The following ABCA1 variants were observed in gnomAD, a reference collection of about 807,000 sequenced individuals.
ABCA1 encodes phospholipid-transporting ATPase ABCA1.
ABCA1 carries 133 observed loss-of-function variants against 262.5 expected under a neutral mutation model. That is an observed-to-expected ratio of 0.51 (90% CI 0.44 to 0.59). ABCA1 has a LOEUF of 0.59. Among genes scored for constraint, ABCA1 ranks in the 20% least tolerant of loss-of-function variants. The pLI, the probability that ABCA1 is intolerant of heterozygous loss-of-function variation, is 0.00. For missense variants in ABCA1, 2,452 were observed against 2,777.5 expected, an observed-to-expected ratio of 0.88 and a Z score of 2.63; for synonymous variants, 1,022 against 1,043.5, an observed-to-expected ratio of 0.98 and a Z score of 0.40.
chr9:104,798,841 C>A (rs1830107798), intron 36 of ABCA1, among the ~76,000 whole-genome samples: 1 of 152,140 alleles, frequency 6.6e-6, no homozygotes, highest in African/African-American at 2.4e-5. Context: ...AAAGAGTCCA[C>A]TGTCACAATA....
intron 31 of ABCA1, among the ~76,000 whole-genome samples, 196 bp downstream of exon 31, chr9:104,806,045 C>T (rs908762261): frequency 1.3e-5 from 2 of 152,026 alleles, no homozygotes; most frequent in African/African-American, 4.8e-5. Context: ...GTGGAGGTTG[C>T]AGTGAGGCAA....
At position 104,883,056 on chromosome 9, in the gene ABCA1, A is replaced by C; in HGVS notation, c.404T>G (p.Ile135Ser). The C allele has an allele frequency of 6.2e-7, 1 of 1,613,768 alleles. No homozygotes were observed. Among genetic ancestry groups the C allele is most frequent in the South Asian group, 1.1e-5 (1 of 91,078 alleles). ...MRKVLRTLQQ[I>S]KKSSSNLKLQ... Reference sequence around the variant, plus strand: ...TTACTTACTTGAGCTGGATTTCTTGATCTGCTGTAATGTTCTCAGAACTTT... The same window carrying C: ...TTACTTACTTGAGCTGGATTTCTTGCTCTGCTGTAATGTTCTCAGAACTTT... Residue 135 changes from isoleucine (I) to serine (S), a missense_variant, in exon 5 of 50, where the codon ATC becomes AGC. Physicochemically the swap from Ile to Ser is moderately radical, Grantham distance 142 (BLOSUM62 -2). Around this residue, in one of 4 missense-constraint regions of ABCA1, gnomAD observed 1,032 missense variants for 1,089.7 expected, o/e 0.95. Transcript: ENST00000374736.
intron 12 of ABCA1, 30 bp from the exon 13 acceptor site, chr9:104,831,857 T>G: frequency 6.2e-7 from 1 of 1,610,084 alleles, no homozygotes; most frequent in Non-Finnish European, 8.5e-7. Context: ...CATGAGAACG[T>G]TGGCAGCCAG....
rs751985218 is a variant in ABCA1 at position 104,831,818 on chromosome 9, G to A, written c.1519C>T (p.Leu507=). The A allele has an allele frequency of 6.2e-7, 1 of 1,614,200 alleles. No individual in the cohort carries two copies. The highest frequency in any genetic ancestry group is 1.7e-5 in the Admixed American group (1 of 60,020). Residue 507 remains leucine, a synonymous_variant, in exon 13 of 50, where the codon CTG becomes TTG. Coordinates refer to ENST00000374736, the MANE Select transcript of ABCA1 (RefSeq NM_005502.4). ...TISRFMECVN[L]NKLEPIATEV... is the part of the protein sequence containing the mutation. ...GTTGCTATGGGTTCTAGCTTGTTCA[G>A]GTTGACACACTGATAGAAGAACAGC...
At chr9:104,881,592 T>G (rs1386693844) in intron 5 of ABCA1, among the ~76,000 whole-genome samples, 2 of 152,182 alleles carry the variant, frequency 1.3e-5, no homozygotes, top group African/African-American at 4.8e-5. Flanking sequence ...GGGTGCTAAC[T>G]AACCTATTCA....
At chr9:104,888,613 T>A (rs535083201) in intron 3 of ABCA1, among the ~76,000 whole-genome samples, 1 of 152,340 alleles carries the variant, frequency 6.6e-6, no homozygotes, top group South Asian at 2.1e-4. Flanking sequence ...AAGGCTGTTA[T>A]CAAAATACAT....
At chr9:104,825,347 T>C (rs1832726703) in intron 17 of ABCA1, among the ~76,000 whole-genome samples, 1 of 152,222 alleles carries the variant, frequency 6.6e-6, no homozygotes, top group Admixed American at 6.5e-5. Context: ...TGACCAAAGC[T>C]GGTTACTTAA....
At chr9:104,788,621 T>C (rs2118845499) in intron 44 of ABCA1, 54 bp from the exon 45 acceptor site, 1 of 1,600,032 alleles carries the variant, frequency 6.2e-7, no homozygotes, top group Non-Finnish European at 8.6e-7. Flanking sequence ...ATACTCTGGT[T>C]AGACAATCTG....
chr9:104,920,942 G>A (rs112092254), intron 1 of ABCA1, among the ~76,000 whole-genome samples: 3 of 152,186 alleles, frequency 2.0e-5, no homozygotes, highest in Admixed American at 1.3e-4. Context: ...CTGAGGCAAA[G>A]AGTGATCAGC....
intron 9 of ABCA1, among the ~76,000 whole-genome samples, chr9:104,839,797 C>T (rs1240164322): frequency 2.0e-5 from 3 of 152,138 alleles, no homozygotes; most frequent in Admixed American, 6.5e-5. Flanking sequence ...GTGAACACTT[C>T]GGATCTACTC....
At chr9:104,920,717 G>A (rs747315840) in intron 1 of ABCA1, among the ~76,000 whole-genome samples, 1 of 152,108 alleles carries the variant, frequency 6.6e-6, no homozygotes, top group Non-Finnish European at 1.5e-5. Flanking sequence ...TCACCATGCT[G>A]GTCAGGCTGG....
At chr9:104,857,908 C>T (rs1373710112) in intron 7 of ABCA1, among the ~76,000 whole-genome samples, 1 of 152,164 alleles carries the variant, frequency 6.6e-6, no homozygotes, top group Non-Finnish European at 1.5e-5. Context: ...CTATATAAAA[C>T]ACTCTGATGA....
In ABCA1 at chr9:104,809,523, T is replaced by C; in HGVS notation, c.4217A>G (p.Asn1406Ser). 1 of 1,614,172 alleles carries C rather than the reference T, an allele frequency of 6.2e-7. No individual in the cohort carries two copies. Among genetic ancestry groups the C allele is most frequent in the Non-Finnish European group, 8.5e-7 (1 of 1,180,036 alleles). ...GAAGCCAGGGTCTTTGGTGAGGGCG[T>C]TTAAGAGTTCCAGGGTTCCCGTGTC... ...PEDTGTLELLNALTKDPGFGT... is the reference protein window; with the variant it reads ...PEDTGTLELLSALTKDPGFGT... The change falls in exon 30 of 50, where the codon AAC becomes AGC. Residue 1406 changes from asparagine to serine, a missense_variant. Physicochemically the swap from Asn to Ser is conservative, Grantham distance 46. This residue lies in a region of ABCA1 where 665 missense variants were observed against 727.3 expected (regional missense o/e 0.91). Coordinates refer to ENST00000374736, the MANE Select transcript of ABCA1 (RefSeq NM_005502.4).
At position 104,822,576 on chromosome 9, in the gene ABCA1, G is replaced by A. The variant is rs374198344; in HGVS notation, c.2748C>T (p.Val916=). Residue 916 remains valine (V), a synonymous_variant, in exon 19 of 50, where the codon GTC becomes GTT. Transcript: ENST00000374736. ...KVYRDGMKVA[V]DGLALNFYEG... The stretch of plus-strand genomic sequence containing the variant: ...CATAAAAATTCAGTGCCAGGCCATC[G>A]ACAGCCACCTTCATCCCATCTCGGT... 5.4e-5 allele frequency: 87 copies of A among 1,613,970 alleles called. No homozygotes were observed. In the African/African-American group the frequency reaches 8.0e-4, roughly 15 times the overall value.
chr9:104,800,572 CT>C lies in ABCA1; in HGVS notation c.4710del (p.Asp1571IlefsTer11). ...CTTCCCAAGCTGTTGAGAAATCGAT[CT>C]GCAGAACTGTCCTGTAAACAACAGA... is the stretch of plus-strand genomic sequence containing the variant. The part of the protein sequence containing the change: ...KHLKLAKDSS[A>X]DRFLNSLGRF... On this transcript the variant is annotated frameshift_variant, in exon 35 of 50. Transcript: ENST00000374736. LOFTEE classifies it high-confidence loss of function. 6.2e-7 allele frequency: 1 copy of C among 1,614,186 alleles called. No individual in the cohort carries two copies.
chr9:104,914,831 A>G (rs75883459), intron 1 of ABCA1, among the ~76,000 whole-genome samples: 16 of 152,348 alleles, frequency 1.1e-4, no homozygotes, highest in African/African-American at 3.6e-4. Flanking sequence ...TCTAAGAAAC[A>G]TAAGTTCAAG....
chr9:104,885,424 A>G (rs965015613), intron 3 of ABCA1, among the ~76,000 whole-genome samples: 5 of 151,934 alleles, frequency 3.3e-5, no homozygotes, highest in Non-Finnish European at 7.4e-5. Context: ...TCTGCCAAAC[A>G]TTTGTCAGTT....
At chr9:104,800,427 C>G (rs1356676884) in intron 35 of ABCA1, 83 bp downstream of exon 35, 3 of 1,374,390 alleles carry the variant, frequency 2.2e-6, no homozygotes, top group African/African-American at 2.8e-5. Flanking sequence ...CCCCTGCCAA[C>G]TTTACCATGA....
chr9:104,862,649 C>CGGCCCCCCACCCCGGGCA (rs1836585421), intron 5 of ABCA1, among the ~76,000 whole-genome samples: 1 of 11,694 alleles, frequency 8.6e-5, no homozygotes. Flanking sequence ...CGGGCCGGGC[C>CGGCCCCCCACCCCGGGCA]GGGCCGGGCC....
Sources: gnomAD v4.1 joint callset for allele counts (sites outside exome capture counted in the v4.1 genomes callset) on GRCh38, gnomAD v4.1.1 for gene constraint, gnomAD v4.1.1 regional missense constraint, MANE v1.5 for transcripts, NCBI Gene and HGNC (gene_info 2026-07-23, HGNC 2026-07-21) for gene names.